KIAA1671: variants seen among roughly 807,000 people sequenced by gnomAD.
KIAA1671 encodes KIAA1671, also known as uncharacterized protein KIAA1671.
In KIAA1671, 52 loss-of-function variants were observed where a neutral mutation model predicts 131.2. The observed-to-expected ratio is 0.40, with a 90% CI of 0.32 to 0.50. The LOEUF (loss-of-function observed/expected upper bound fraction) is 0.50, where lower values mean the gene tolerates loss of function less well. KIAA1671 is among the 20% of genes least tolerant of loss of function. The pLI is 0.73. For missense variants in KIAA1671, 2,360 were observed against 2,364.2 expected (o/e 1.00, Z 0.04); for synonymous variants, 1,003 against 961.6 (o/e 1.04, Z -0.80).
rs146338014 is a variant in KIAA1671 at position 24,980,326 on chromosome 22, CAG to C, written c.-208+27555_-208+27556del. The stretch of plus-strand genomic sequence containing the variant: ...TTGCTCTGTCGCCCAGGCTAGGGTA[CAG>C]TGGCACAATCTTGGCTTACTGCAAC... On this transcript the variant is annotated intron_variant, in intron 1 of 12. Transcript: ENST00000358431. 3.0e-3 allele frequency among the ~76,000 whole-genome samples: 439 copies of C among 145,316 alleles called. 8 individuals carry two copies. In the East Asian group the frequency reaches 0.061, roughly 20 times the overall value.
rs150821980 is a variant in KIAA1671, at chr22:25,172,505, G to A, written c.4649+1567G>A. ...TCACCCCAGAGCTGACAGAAAGCAC[G>A]ATGAAATGCCAGCACACCTGTGGAA... On this transcript the variant is annotated intron_variant, in intron 7 of 12. Transcript: ENST00000358431. Among the ~76,000 whole-genome samples, 1,204 of 152,270 alleles carry A rather than the reference G, an allele frequency of 7.9e-3. 13 individuals carry two copies. Among genetic ancestry groups the A allele is most frequent in the Middle Eastern group, 0.027 (8 of 294 alleles).
chr22:25,025,320 G>A (rs1048009871), intron 1 of KIAA1671, among the ~76,000 whole-genome samples: 2 of 152,234 alleles, frequency 1.3e-5, no homozygotes, highest in African/African-American at 4.8e-5. Flanking sequence ...GTGTGTGTAT[G>A]TGTGTTTCTT....
rs5996807 is a variant in KIAA1671, at chr22:24,998,774, G to T, written c.-207-26859G>T. On this transcript the variant is annotated intron_variant, in intron 1 of 12. Transcript: ENST00000358431. ...ATACTCTCATAAATGATCACCTATT[G>T]TAAAGTTTAAAAACTGTAAGTGGAA... Among the ~76,000 whole-genome samples, 2 of 148,570 alleles carry T rather than the reference G, an allele frequency of 1.3e-5. 1 individual carries two copies. The highest frequency in any genetic ancestry group is 4.2e-4 in the South Asian group (2 of 4,754).
At chr22:25,125,573 A>G (rs1370101871) in intron 6 of KIAA1671, among the ~76,000 whole-genome samples, 1 of 152,172 alleles carries the variant, frequency 6.6e-6, no homozygotes. Flanking sequence ...CCATGGTGAC[A>G]TTGACGTTCG....
At chr22:24,992,814 CAAAA>C (rs761181079) in intron 1 of KIAA1671, among the ~76,000 whole-genome samples, 20 of 57,382 alleles carry the variant, frequency 3.5e-4, no homozygotes, top group African/African-American at 1.0e-3. Flanking sequence ...GACTCCGTCT[CAAAA>C]AAAAAAAAAA....
chr22:25,165,823 T>G (rs1601374683), intron 6 of KIAA1671, among the ~76,000 whole-genome samples: 1 of 141,660 alleles, frequency 7.1e-6, no homozygotes, highest in African/African-American at 2.7e-5. Context: ...GGCCTGGAGG[T>G]GAGAGGGAGG....
At chr22:25,184,568 A>T (rs1162551816) in intron 10 of KIAA1671, among the ~76,000 whole-genome samples, 4 of 152,030 alleles carry the variant, frequency 2.6e-5, no homozygotes, top group Non-Finnish European at 5.9e-5. Context: ...TTCTTATGGG[A>T]CTCTAATAGA....
In KIAA1671 at chr22:25,029,254, A is replaced by T; in HGVS notation, c.1255A>T (p.Arg419Ter). Residue 419 changes from arginine (R) to a stop codon, truncating the protein, a stop_gained, in exon 3 of 13, where the codon AGA (arginine) becomes TGA (stop). Transcript: ENST00000358431. LOFTEE classifies it high-confidence loss of function. ...RGLELAEVKS[R>*]VADGEAAAGG... ...CCTAGAACTTGCTGAGGTTAAGAGC[A>T]GAGTGGCGGATGGGGAGGCCGCGGC... 1 of 1,495,222 alleles carries T rather than the reference A, an allele frequency of 6.7e-7. No individual in the cohort carries two copies. 92.6% of individuals were successfully genotyped at this position (1,495,222 alleles called of 1,614,324 possible).
chr22:24,955,712 G>A (rs1245236366), intron 1 of KIAA1671, among the ~76,000 whole-genome samples: 1 of 152,124 alleles, frequency 6.6e-6, no homozygotes, highest in Non-Finnish European at 1.5e-5. Context: ...CTGGGGGCCA[G>A]TAAGCAGGCT....
intron 6 of KIAA1671, among the ~76,000 whole-genome samples, chr22:25,106,935 A>G (rs1351404297): frequency 6.6e-6 from 1 of 152,222 alleles, no homozygotes; most frequent in African/African-American, 2.4e-5. Context: ...AAATGTTTGT[A>G]TATTATTATT....
intron 9 of KIAA1671, chr22:25,179,485 C>T (rs1379432215): frequency 6.2e-6 from 10 of 1,612,718 alleles, no homozygotes; most frequent in South Asian, 1.1e-5. Flanking sequence ...TCTCCTCCAG[C>T]GCCTTGTGCA....
At chr22:24,961,046 T>C (rs1186029006) in intron 1 of KIAA1671, among the ~76,000 whole-genome samples, 1 of 152,146 alleles carries the variant, frequency 6.6e-6, no homozygotes. Flanking sequence ...TCTTGCTCTT[T>C]CATCCAGGCT....
chr22:24,956,871 CAAA>C (rs60921102), intron 1 of KIAA1671, among the ~76,000 whole-genome samples: 4 of 103,100 alleles, frequency 3.9e-5, no homozygotes, highest in Admixed American at 1.1e-4. Context: ...GACTCTGTCT[CAAA>C]AAAAAAAAAA....
intron 1 of KIAA1671, among the ~76,000 whole-genome samples, chr22:24,965,292 G>A (rs982804753): frequency 6.6e-6 from 1 of 150,704 alleles, no homozygotes; most frequent in Non-Finnish European, 1.5e-5. Flanking sequence ...GCGTACACTT[G>A]TAATACCAGC....
chr22:25,044,942 C>T (rs752659456), intron 5 of KIAA1671, among the ~76,000 whole-genome samples: 10 of 152,058 alleles, frequency 6.6e-5, no homozygotes, highest in Non-Finnish European at 1.5e-4. Flanking sequence ...GGGTGGATCA[C>T]GAGGTCAGGA....
At chr22:25,189,126 C>CTTTTTTTTTTTTTTTTT (rs200226589) in intron 11 of KIAA1671, among the ~76,000 whole-genome samples, 144 of 114,800 alleles carry the variant, frequency 1.3e-3, no homozygotes, top group African/African-American at 2.5e-3. Flanking sequence ...CAGTCTTTTT[C>CTTTTTTTTTTTTTTTTT]TTTTTTTTTT....
At chr22:25,002,955 A>T (rs906287213) in intron 1 of KIAA1671, among the ~76,000 whole-genome samples, 11 of 152,128 alleles carry the variant, frequency 7.2e-5, no homozygotes, top group Non-Finnish European at 1.3e-4. Flanking sequence ...TAATTTTTGT[A>T]GAGATGGGAT....
intron 6 of KIAA1671, among the ~76,000 whole-genome samples, chr22:25,109,121 T>C (rs752732233): frequency 2.6e-5 from 4 of 152,120 alleles, no homozygotes; most frequent in Non-Finnish European, 5.9e-5. Flanking sequence ...CTTCTTTTTT[T>C]TTTTTTTAGA....
intron 6 of KIAA1671, among the ~76,000 whole-genome samples, chr22:25,106,510 T>C (rs1021595658): frequency 6.6e-5 from 10 of 152,206 alleles, no homozygotes; most frequent in Non-Finnish European, 1.5e-4. Context: ...ACTTCATCTC[T>C]GAAAACCAGA....
Sources: allele counts gnomAD v4.1 joint callset (sites outside exome capture counted in the v4.1 genomes callset), GRCh38; gene constraint gnomAD v4.1.1; transcripts MANE v1.5; gene names NCBI Gene and HGNC (gene_info 2026-07-23, HGNC 2026-07-21).